The following PCDHGA11 variants were observed in gnomAD, a reference collection of about 807,000 sequenced individuals.
The protein encoded by PCDHGA11 is protocadherin gamma-A11.
Under a neutral mutation model 60.4 loss-of-function variants are expected in PCDHGA11, and 39 were observed. That is an observed-to-expected ratio of 0.65 (90% CI 0.50 to 0.84). PCDHGA11 has a LOEUF of 0.84. PCDHGA11 is among the 40% of genes least tolerant of loss of function. The probability of loss-of-function intolerance (pLI) is 0.00; values close to 1 mark genes in which losing one functional copy is unlikely to be tolerated. For missense variants in PCDHGA11, 1,165 were observed against 1,197.7 expected, an observed-to-expected ratio of 0.97 and a Z score of 0.40; for synonymous variants, 533 against 510.3, an observed-to-expected ratio of 1.04 and a Z score of -0.60.
intron 1 of PCDHGA11, among the ~76,000 whole-genome samples, chr5:141,449,422 C>A (rs1041930577): frequency 4.0e-5 from 6 of 151,724 alleles, no homozygotes; most frequent in Non-Finnish European, 7.4e-5. Flanking sequence ...GCCTGGCCAA[C>A]ATGATAAAAC....
At chr5:141,494,937 G>A (rs759078748) in intron 2 of PCDHGA11, 72 bp downstream of exon 2, 130 of 1,612,276 alleles carry the variant, frequency 8.1e-5, no homozygotes, top group Non-Finnish European at 1.1e-4. Context: ...GAGGAGATGG[G>A]GGAGGGCCCA....
chr5:141,469,104 C>T (rs1046234848), intron 1 of PCDHGA11, among the ~76,000 whole-genome samples: 1 of 151,760 alleles, frequency 6.6e-6, no homozygotes, highest in Admixed American at 6.6e-5. Flanking sequence ...AAGCAAGAAC[C>T]TGTCTCTAAA....
intron 1 of PCDHGA11, among the ~76,000 whole-genome samples, chr5:141,434,021 C>A (rs1023145172): frequency 2.0e-5 from 3 of 152,052 alleles, no homozygotes; most frequent in Admixed American, 2.0e-4. Context: ...TTCTATGATT[C>A]TGGAAGCATG....
chr5:141,422,498 C>T lies in PCDHGA11; in HGVS notation c.1271C>T (p.Thr424Ile), dbSNP rs1482415670. ...ELVQSYNITL[T>I]ATDQGSPPLS... ...GTCCAGAGCTACAATATAACGTTGA[C>T]AGCCACAGACCAGGGAAGCCCGCCT... The change falls in exon 1 of 4, where the codon ACA (threonine) becomes ATA (isoleucine). Residue 424 changes from threonine to isoleucine, a missense_variant. Physicochemically the swap from Thr to Ile is moderately conservative, Grantham distance 89. Coordinates refer to ENST00000398587, the MANE Select transcript of PCDHGA11 (RefSeq NM_018914.3). 6.2e-7 allele frequency: 1 copy of T among 1,613,964 alleles called. No individual in the cohort carries two copies. Among genetic ancestry groups the T allele is most frequent in the Admixed American group, 1.7e-5 (1 of 60,020 alleles).
Position 141,489,276 on chromosome 5 carries a change from A to G in PCDHGA11, c.2434-5531A>G. 6.4e-7 allele frequency: 1 copy of G among 1,556,122 alleles called. No homozygotes were observed. Among genetic ancestry groups the G allele is most frequent in the Non-Finnish European group, 8.7e-7 (1 of 1,151,562 alleles). On this transcript the variant is annotated intron_variant, in intron 1 of 3. Coordinates refer to ENST00000398587, the MANE Select transcript of PCDHGA11 (RefSeq NM_018914.3). The surrounding 1 kb of genome is among the most constrained non-coding windows in gnomAD (Gnocchi z 4.5). ...AGACACTCCCACAGCTCGCTGGGAA[A>G]TGGCAAGTGCTGTGCATGTTGTCCT...
At chr5:141,506,649 T>C (rs1487823663) in intron 3 of PCDHGA11, among the ~76,000 whole-genome samples, 1 of 152,114 alleles carries the variant, frequency 6.6e-6, no homozygotes, top group Admixed American at 6.6e-5. Context: ...CAGCACAGGA[T>C]TGGCAGAGAG....
At position 141,490,487 on chromosome 5, in the gene PCDHGA11, C is replaced by T. The variant is rs1398601464; in HGVS notation, c.2434-4320C>T. Reference sequence around the variant, plus strand: ...ACCAGCCAGCCTTTGGACCGGGAGGCCACATCCCACTATATCATCGAGCTG... The same window carrying T: ...ACCAGCCAGCCTTTGGACCGGGAGGTCACATCCCACTATATCATCGAGCTG... On this transcript the variant is annotated intron_variant, in intron 1 of 3. Coordinates refer to ENST00000398587, the MANE Select transcript of PCDHGA11 (RefSeq NM_018914.3). This position sits in a 1 kb window ranked among gnomAD's most constrained non-coding sequence, Gnocchi z 5.4. 4 of 1,614,000 alleles carry T rather than the reference C, an allele frequency of 2.5e-6. No homozygotes were observed. The highest frequency in any genetic ancestry group is 1.7e-5 in the Admixed American group (1 of 59,996).
At position 141,493,188 on chromosome 5, in the gene PCDHGA11, C is replaced by T. The variant is rs1292810486; in HGVS notation, c.2434-1619C>T. Among the ~76,000 whole-genome samples the T allele has an allele frequency of 2.6e-5, 4 of 152,216 alleles. No individual in the cohort carries two copies. Among genetic ancestry groups the T allele is most frequent in the Non-Finnish European group, 4.4e-5 (3 of 68,046 alleles). ...ATTGAGAGAAACTTACTATATAACT[C>T]CTTTGAGAACCTCATCTCATTTGCT... On this transcript the variant is annotated intron_variant, in intron 1 of 3. Coordinates refer to ENST00000398587, the MANE Select transcript of PCDHGA11 (RefSeq NM_018914.3). The surrounding 1 kb of genome is among the most constrained non-coding windows in gnomAD (Gnocchi z 4.3).
chr5:141,508,799 C>T (rs962590711), intron 3 of PCDHGA11, among the ~76,000 whole-genome samples: 1 of 152,110 alleles, frequency 6.6e-6, no homozygotes, highest in Non-Finnish European at 1.5e-5. Context: ...ACTCTGGAAT[C>T]CTGGCTCTTT....
intron 1 of PCDHGA11, chr5:141,430,977 A>G (rs761722055): frequency 1.2e-5 from 20 of 1,613,408 alleles, no homozygotes; most frequent in Middle Eastern, 1.7e-4. Flanking sequence ...GGTAGGACGC[A>G]GCTTTTCGCC....
Position 141,476,876 on chromosome 5 carries a change from C to A in PCDHGA11, c.2434-17931C>A, listed in dbSNP as rs1201654822. 1.2e-6 allele frequency: 2 copies of A among 1,613,994 alleles called. No individual in the cohort carries two copies. Among genetic ancestry groups the A allele is most frequent in the Non-Finnish European group, 1.7e-6 (2 of 1,180,048 alleles). ...CCAGTCCTTGTACCGGGCGCGCGTC[C>A]TGGAGGATGCACCCTCCGGCACGCG... On this transcript the variant is annotated intron_variant, in intron 1 of 3. Transcript: ENST00000398587. The surrounding 1 kb of genome is among the most constrained non-coding windows in gnomAD (Gnocchi z 7.6).
At chr5:141,430,687 T>A in intron 1 of PCDHGA11, 3 of 1,399,922 alleles carry the variant, frequency 2.1e-6, no homozygotes, top group Non-Finnish European at 9.5e-7. Flanking sequence ...TGTCCCATTC[T>A]ATGGGCGAAG....
At position 141,477,742 on chromosome 5, in the gene PCDHGA11, G is replaced by C; in HGVS notation, c.2434-17065G>C. 2 of 1,613,800 alleles carry C rather than the reference G, an allele frequency of 1.2e-6. No individual in the cohort carries two copies. Among genetic ancestry groups the C allele is most frequent in the Non-Finnish European group, 1.7e-6 (2 of 1,180,030 alleles). ...AATTAACAGCTCATATCAGCGATGG[G>C]GGCACCCCGGTCCTAGCCACCAACA... On this transcript the variant is annotated intron_variant, in intron 1 of 3. Coordinates refer to ENST00000398587, the MANE Select transcript of PCDHGA11 (RefSeq NM_018914.3). The surrounding 1 kb of genome is among the most constrained non-coding windows in gnomAD (Gnocchi z 4.9).
At chr5:141,507,283 G>T (rs917383969) in intron 3 of PCDHGA11, 2 of 150,498 alleles carry the variant, frequency 1.3e-5, no homozygotes, top group Non-Finnish European at 2.9e-5. Context: ...GCATAAGTCA[G>T]TCTCAAATGT....
At chr5:141,478,412 TC>T in intron 1 of PCDHGA11, 2 of 1,611,958 alleles carry the variant, frequency 1.2e-6, no homozygotes, top group Non-Finnish European at 1.7e-6. Flanking sequence ...CACCACGGAC[TC>T]CCGCCGCAGC....
At chr5:141,507,865 T>C (rs2099864402) in intron 3 of PCDHGA11, among the ~76,000 whole-genome samples, 1 of 152,128 alleles carries the variant, frequency 6.6e-6, no homozygotes. Context: ...CACACCCGCT[T>C]CCTAGCCCTG....
At chr5:141,433,082 T>C in intron 1 of PCDHGA11, 1 of 1,614,188 alleles carries the variant, frequency 6.2e-7, no homozygotes. Flanking sequence ...CCAGCCCAAC[T>C]ATGCAGACAT....
chr5:141,485,546 G>C lies in PCDHGA11; in HGVS notation c.2434-9261G>C. The C allele has an allele frequency of 6.2e-7, 1 of 1,614,074 alleles. No individual in the cohort carries two copies. ...GTACCGAGCAGAGGTAGAGATCGTA[G>C]ATGTGAATGATCACGCCCCCCGTTT... is the stretch of plus-strand genomic sequence containing the variant. On this transcript the variant is annotated intron_variant, in intron 1 of 3. Coordinates refer to ENST00000398587, the MANE Select transcript of PCDHGA11 (RefSeq NM_018914.3). The surrounding 1 kb of genome is among the most constrained non-coding windows in gnomAD (Gnocchi z 5.7).
Position 141,489,730 on chromosome 5 carries a change from A to G in PCDHGA11, c.2434-5077A>G. The stretch of plus-strand genomic sequence containing the variant: ...CAGTGCCCAGGATCCGGATGTGGGC[A>G]CCAATACTGTGAGCTTTTACACTCT... On this transcript the variant is annotated intron_variant, in intron 1 of 3. Coordinates refer to ENST00000398587, the MANE Select transcript of PCDHGA11 (RefSeq NM_018914.3). This position sits in a 1 kb window ranked among gnomAD's most constrained non-coding sequence, Gnocchi z 4.5. 6.2e-7 allele frequency: 1 copy of G among 1,614,182 alleles called. No homozygotes were observed. Among genetic ancestry groups the G allele is most frequent in the Non-Finnish European group, 8.5e-7 (1 of 1,180,020 alleles).
Sources: gnomAD v4.1 joint callset for allele counts (sites outside exome capture counted in the v4.1 genomes callset) on GRCh38, gnomAD v4.1.1 for gene constraint, Gnocchi (gnomAD v3.1) non-coding constraint, MANE v1.5 for transcripts, NCBI Gene and HGNC (gene_info 2026-07-23, HGNC 2026-07-21) for gene names.